The following CHD9 variants were observed in gnomAD, a reference collection of about 807,000 sequenced individuals.
The protein encoded by CHD9 is chromodomain helicase DNA binding protein 9.
In CHD9, 77 loss-of-function variants were observed where a neutral mutation model predicts 316.1. The observed-to-expected ratio is 0.24, with a 90% CI of 0.20 to 0.29. The LOEUF is 0.29. Among genes scored for constraint, CHD9 ranks in the 10% least tolerant of loss-of-function variants. CHD9 has a pLI of 1.00. For missense variants in CHD9, 2,763 were observed against 3,438.1 expected (o/e 0.80, Z 4.91); for synonymous variants, 1,129 against 1,158.3 (o/e 0.97, Z 0.51).
intron 30 of CHD9, among the ~76,000 whole-genome samples, chr16:53,302,257 A>G (rs2055512894): frequency 6.6e-6 from 1 of 152,194 alleles, no homozygotes; most frequent in African/African-American, 2.4e-5. Flanking sequence ...GCAATCCGTA[A>G]CAGGTTCTCA....
intron 24 of CHD9, among the ~76,000 whole-genome samples, chr16:53,276,751 T>G (rs978858939): frequency 3.3e-5 from 5 of 152,104 alleles, no homozygotes; most frequent in Non-Finnish European, 5.9e-5. Context: ...TGCCTTAATA[T>G]CAGTCACTTA....
At chr16:53,170,503 A>G (rs960228037) in intron 2 of CHD9, among the ~76,000 whole-genome samples, 1 of 151,676 alleles carries the variant, frequency 6.6e-6, no homozygotes, top group African/African-American at 2.4e-5. Flanking sequence ...GGAATGAGCC[A>G]TTTCTTCAAG....
At chr16:53,094,429 G>A (rs528686472) in intron 1 of CHD9, among the ~76,000 whole-genome samples, 1 of 152,170 alleles carries the variant, frequency 6.6e-6, no homozygotes, top group African/African-American at 2.4e-5. Context: ...GGGCCGGGGT[G>A]TTTCCCAGCC....
chr16:53,224,624 C>A (rs2047498770), intron 4 of CHD9, among the ~76,000 whole-genome samples: 1 of 151,972 alleles, frequency 6.6e-6, no homozygotes, highest in Admixed American at 6.6e-5. Flanking sequence ...TCTTAAGTGG[C>A]CAGAAAGGAA....
At chr16:53,203,419 G>A (rs1443287994) in intron 2 of CHD9, among the ~76,000 whole-genome samples, 1 of 152,012 alleles carries the variant, frequency 6.6e-6, no homozygotes, top group Non-Finnish European at 1.5e-5. Context: ...TCATCTGCTA[G>A]CTCCTGGAAC....
At chr16:53,266,476 T>C (rs2051708025) in intron 20 of CHD9, among the ~76,000 whole-genome samples, 1 of 152,170 alleles carries the variant, frequency 6.6e-6, no homozygotes, top group South Asian at 2.1e-4. Flanking sequence ...ATCTCTTCCC[T>C]CACTGCCTGG....
At chr16:53,176,387 A>G (rs1013050244) in intron 2 of CHD9, among the ~76,000 whole-genome samples, 1 of 152,190 alleles carries the variant, frequency 6.6e-6, no homozygotes, top group Admixed American at 6.5e-5. Context: ...TACATGGATA[A>G]TTTAGGATAA....
intron 11 of CHD9, 74 bp downstream of exon 11, chr16:53,235,380 T>C: frequency 9.4e-7 from 1 of 1,061,646 alleles, no homozygotes; most frequent in Non-Finnish European, 1.3e-6. Flanking sequence ...AAATAGATAC[T>C]GTTGTTGCTA....
intron 2 of CHD9, among the ~76,000 whole-genome samples, chr16:53,203,023 T>C (rs2045590680): frequency 6.6e-6 from 1 of 152,212 alleles, no homozygotes; most frequent in African/African-American, 2.4e-5. Context: ...ATGTATTTAT[T>C]GATAGTTTGA....
chr16:53,326,745 A>C lies in CHD9; in HGVS notation c.*1850A>C, dbSNP rs1010323627. On this transcript the variant is annotated 3_prime_UTR_variant, in exon 39 of 39. Coordinates refer to ENST00000447540, the MANE Select transcript of CHD9 (RefSeq NM_001308319.2). ...ACTTTTGTTTAACTAGAATACACCT[A>C]TGAGATAGCCAAAGTTTCAAACACA... is the stretch of plus-strand genomic sequence containing the variant. The C allele has an allele frequency of 6.7e-6, 1 of 149,482 alleles. No individual in the cohort carries two copies. The highest frequency in any genetic ancestry group is 1.5e-5 in the Non-Finnish European group (1 of 67,262). The allele number at this position is 149,482 out of a possible 1,614,324, so 9.3% of individuals were successfully genotyped here. A position where few individuals can be genotyped will look rare whatever the true frequency, so the allele number is the denominator to read the frequency against.
intron 8 of CHD9, among the ~76,000 whole-genome samples, chr16:53,229,671 C>A (rs1490642532): frequency 6.6e-6 from 1 of 152,158 alleles, no homozygotes; most frequent in Non-Finnish European, 1.5e-5. Flanking sequence ...ACAATGAATT[C>A]TCACATTTAT....
intron 21 of CHD9, 84 bp from the exon 22 acceptor site, chr16:53,267,843 G>A (rs1649759128): frequency 7.9e-7 from 1 of 1,258,242 alleles, no homozygotes; most frequent in Non-Finnish European, 1.1e-6. Context: ...ATTTTTTAAA[G>A]TTTTTCATTC....
chr16:53,222,040 C>T (rs544195332), intron 3 of CHD9, among the ~76,000 whole-genome samples: 317 of 151,102 alleles, frequency 2.1e-3, no homozygotes, highest in Non-Finnish European at 2.7e-3. Flanking sequence ...TTTTTACCTG[C>T]TAAATTTATT....
chr16:53,253,787 A>T (rs967305529), intron 17 of CHD9, among the ~76,000 whole-genome samples: 1 of 151,918 alleles, frequency 6.6e-6, no homozygotes, highest in Non-Finnish European at 1.5e-5. Flanking sequence ...CCCCATGTCT[A>T]AAAAAAACAA....
At chr16:53,131,700 A>G (rs753446393) in intron 1 of CHD9, among the ~76,000 whole-genome samples, 99 of 151,764 alleles carry the variant, frequency 6.5e-4, no homozygotes, top group Non-Finnish European at 6.8e-4. Flanking sequence ...GCTTCCCTCC[A>G]TCCTGCAGCC....
chr16:53,320,904 T>C (rs1006585998), intron 37 of CHD9, among the ~76,000 whole-genome samples: 1 of 152,190 alleles, frequency 6.6e-6, no homozygotes, highest in Non-Finnish European at 1.5e-5. Flanking sequence ...GACTCTAACA[T>C]GTACTAGCTA....
intron 2 of CHD9, among the ~76,000 whole-genome samples, chr16:53,173,813 G>A (rs1224628078): frequency 6.6e-6 from 1 of 151,712 alleles, no homozygotes; most frequent in Non-Finnish European, 1.5e-5. Context: ...CAAAGTGCTG[G>A]GATTACAGGT....
chr16:53,216,584 A>G (rs1597469889), intron 3 of CHD9, among the ~76,000 whole-genome samples: 1 of 152,182 alleles, frequency 6.6e-6, no homozygotes, highest in African/African-American at 2.4e-5. Context: ...GGTGGGACCA[A>G]TACCTACCTG....
At chr16:53,059,896 C>T (rs554610438) in intron 1 of CHD9, among the ~76,000 whole-genome samples, 18 of 152,304 alleles carry the variant, frequency 1.2e-4, no homozygotes, top group African/African-American at 4.1e-4. Flanking sequence ...TGAGAAACTG[C>T]CACTGTAGAG....
Sources: gnomAD v4.1 joint callset for allele counts (sites outside exome capture counted in the v4.1 genomes callset) on GRCh38, gnomAD v4.1.1 for gene constraint, MANE v1.5 for transcripts, NCBI Gene and HGNC (gene_info 2026-07-23, HGNC 2026-07-21) for gene names.